PPEF1: variants seen among roughly 807,000 people sequenced by gnomAD.
The protein encoded by PPEF1 is protein phosphatase with EF-hand domain 1.
In PPEF1, 12 loss-of-function variants were observed where a neutral mutation model predicts 53.3. The ratio of observed to expected loss-of-function variants is 0.23; its 90% confidence interval spans 0.14 to 0.36. PPEF1 has a LOEUF of 0.36. PPEF1 is among the 10% of genes least tolerant of loss of function. PPEF1 has a pLI of 1.00. For synonymous variants in PPEF1, 165 were observed against 176.7 expected, an observed-to-expected ratio of 0.93 and a Z score of 0.52; for missense variants, 334 against 490.4, an observed-to-expected ratio of 0.68 and a Z score of 3.01.
chrX:18,796,811 G>A (rs1295577405), intron 10 of PPEF1, among the ~76,000 whole-genome samples: 1 of 111,772 alleles, frequency 8.9e-6, no homozygotes, highest in Non-Finnish European at 1.9e-5. Flanking sequence ...AGTAGGAAAG[G>A]ATGCCTCCTT....
intron 1 of PPEF1, among the ~76,000 whole-genome samples, chrX:18,676,346 C>T (rs902505959): frequency 9.1e-6 from 1 of 109,659 alleles, no homozygotes; most frequent in African/African-American, 3.3e-5. Flanking sequence ...GCCATGTAAT[C>T]CCCCCCACAC....
chrX:18,687,453 G>C (rs1929136128), intron 3 of PPEF1, among the ~76,000 whole-genome samples: 2 of 111,111 alleles, frequency 1.8e-5, no homozygotes, highest in African/African-American at 3.3e-5. Context: ...AGCTCACACA[G>C]AGCTGTTAAG....
chrX:18,821,919 A>C (rs2047068953), intron 13 of PPEF1, among the ~76,000 whole-genome samples: 1 of 111,722 alleles, frequency 9.0e-6, no homozygotes, highest in South Asian at 3.8e-4. Context: ...AGATGAGATC[A>C]AGCCCTCATT....
At chrX:18,811,613 ATATTTTTTTT>A (rs1407620394) in intron 12 of PPEF1, among the ~76,000 whole-genome samples, 5 of 12,264 alleles carry the variant, frequency 4.1e-4, no homozygotes, top group African/African-American at 1.7e-3. Context: ...ATATATATAT[ATATTTTTTTT>A]TTTTTTTTTT....
intron 7 of PPEF1, among the ~76,000 whole-genome samples, chrX:18,780,972 C>T (rs1049208605): frequency 7.5e-5 from 8 of 107,027 alleles, no homozygotes; most frequent in Middle Eastern, 4.9e-3. Context: ...AGGAGAATGG[C>T]GTGAACCCGG....
chrX:18,678,157 G>A (rs187927775), upstream of PPEF1, among the ~76,000 whole-genome samples: 263 of 97,914 alleles, frequency 2.7e-3, 6 homozygotes, highest in African/African-American at 1.0e-2. Context: ...AAAGCCGGGT[G>A]CGATGGCTCA....
intron 10 of PPEF1, among the ~76,000 whole-genome samples, chrX:18,793,500 T>C (rs879077979): frequency 8.9e-6 from 1 of 111,769 alleles, no homozygotes; most frequent in Non-Finnish European, 1.9e-5. Flanking sequence ...TTTTGTGGCC[T>C]AGCATATGGT....
At chrX:18,680,372 A>G (rs1263706685), upstream of PPEF1, among the ~76,000 whole-genome samples, 4 of 108,044 alleles carry the variant, frequency 3.7e-5, no homozygotes, top group African/African-American at 1.4e-4. Flanking sequence ...CATTCATGCT[A>G]GAGACTCACT....
upstream of PPEF1, among the ~76,000 whole-genome samples, chrX:18,675,740 G>C (rs1425420784): frequency 8.9e-6 from 1 of 112,046 alleles, no homozygotes; most frequent in Admixed American, 9.4e-5. Flanking sequence ...AATTTCACAC[G>C]GTAACAGCAG....
At chrX:18,820,811 A>G (rs1205328958) in intron 13 of PPEF1, among the ~76,000 whole-genome samples, 2 of 112,393 alleles carry the variant, frequency 1.8e-5, no homozygotes, top group Non-Finnish European at 3.8e-5. Context: ...GTGAATCTCA[A>G]TAGGTTTTGA....
chrX:18,694,314 G>A (rs188960984), intron 4 of PPEF1, among the ~76,000 whole-genome samples: 13 of 111,621 alleles, frequency 1.2e-4, no homozygotes, highest in African/African-American at 4.2e-4. Context: ...TAGGATTGCT[G>A]TCGTATGGTA....
At position 18,707,654 on chromosome X, in the gene PPEF1, A is replaced by G. The variant is rs780303266; in HGVS notation, c.-127A>G. On this transcript the variant is annotated 5_prime_UTR_variant, in exon 1 of 16. Transcript: ENST00000470157. ...CTTCCCTCCCTCCTGTGTATTCCTC[A>G]TTAGAATCTATGACTGAAGAGGATC... 6.9e-6 allele frequency: 4 copies of G among 578,097 alleles called. No individual in the cohort carries two copies. Among genetic ancestry groups the G allele is most frequent in the South Asian group, 3.2e-5 (1 of 31,741 alleles). The allele number at this position is 578,097 out of a possible 1,213,427, so 47.6% of individuals were successfully genotyped here. A position where few individuals can be genotyped will look rare whatever the true frequency, so the allele number is the denominator to read the frequency against.
chrX:18,806,471 A>G lies in PPEF1; in HGVS notation c.1320A>G (p.Leu440=). 1 of 1,207,780 alleles carries G rather than the reference A, an allele frequency of 8.3e-7. No individual in the cohort carries two copies. The highest frequency in any genetic ancestry group is 1.1e-6 in the Non-Finnish European group (1 of 892,279). Residue 440 remains leucine (L), a synonymous_variant, in exon 12 of 16, where the codon CTA becomes CTG. Coordinates refer to ENST00000470157, the MANE Select transcript of PPEF1 (RefSeq NM_001377996.1). ...EGSNRGAYIK[L]CSGTTPRFFQ... The stretch of plus-strand genomic sequence containing the variant: ...GCAATCGAGGAGCTTACATCAAACT[A>G]TGTTCTGGTACAACTCCTCGATTTT...
chrX:18,740,398 G>C (rs1350629642), intron 3 of PPEF1, among the ~76,000 whole-genome samples: 1 of 102,551 alleles, frequency 9.8e-6, no homozygotes, highest in Non-Finnish European at 2.0e-5. Context: ...TCTGTTTTCT[G>C]TCCTCTCTCT....
chrX:18,740,382 G>A (rs371822060), intron 3 of PPEF1, among the ~76,000 whole-genome samples: 2 of 107,201 alleles, frequency 1.9e-5, no homozygotes, highest in Non-Finnish European at 3.9e-5. Flanking sequence ...AGTTGGCCCC[G>A]TTGTGTCTGT....
intron 4 of PPEF1, among the ~76,000 whole-genome samples, chrX:18,755,593 G>T (rs1224924992): frequency 1.8e-5 from 2 of 109,575 alleles, no homozygotes; most frequent in Admixed American, 1.9e-4. Context: ...AAGAGTGTAT[G>T]GTTCAACAGT....
intron 3 of PPEF1, chrX:18,688,542 C>T (rs1165386601): frequency 1.8e-5 from 2 of 112,558 alleles, no homozygotes; most frequent in Admixed American, 9.4e-5. Context: ...GAATTGACAG[C>T]CCACTTCACT....
chrX:18,748,221 A>G (rs1191857428), intron 3 of PPEF1, among the ~76,000 whole-genome samples: 1 of 112,828 alleles, frequency 8.9e-6, no homozygotes, highest in African/African-American at 3.2e-5. Context: ...CTTATAAAAC[A>G]TCATCAACCA....
At chrX:18,702,159 A>G (rs1467778941) in intron 6 of PPEF1, among the ~76,000 whole-genome samples, 3 of 111,853 alleles carry the variant, frequency 2.7e-5, no homozygotes, top group East Asian at 5.7e-4. Flanking sequence ...TATTTAGGCC[A>G]CAGACATCAG....
Sources: allele counts gnomAD v4.1 joint callset (sites outside exome capture counted in the v4.1 genomes callset), GRCh38; gene constraint gnomAD v4.1.1; transcripts MANE v1.5; gene names NCBI Gene and HGNC (gene_info 2026-07-23, HGNC 2026-07-21).